Variants in CTNNA2 observed in about 807,000 individuals in gnomAD.
CTNNA2 encodes the protein catenin alpha-2.
In CTNNA2, 42 loss-of-function variants were observed where a neutral mutation model predicts 101.0. That is an observed-to-expected ratio of 0.42 (90% CI 0.32 to 0.54). CTNNA2 has a LOEUF of 0.54. CTNNA2 is among the 20% of genes least tolerant of loss of function. The pLI is 0.14. For synonymous variants in CTNNA2, 450 were observed against 456.4 expected, an observed-to-expected ratio of 0.99 and a Z score of 0.18; for missense variants, 871 against 1,223.1, an observed-to-expected ratio of 0.71 and a Z score of 4.29.
chr2:79,759,086 G>T (rs10189497), intron 3 of CTNNA2, among the ~76,000 whole-genome samples: 9,119 of 152,228 alleles, frequency 0.06, 869 homozygotes, highest in African/African-American at 0.2. Flanking sequence ...TAAACAGAAA[G>T]AAATGCAGAG....
At chr2:80,530,763 T>C (rs111630851) in intron 9 of CTNNA2, among the ~76,000 whole-genome samples, 1,856 of 152,238 alleles carry the variant, frequency 0.012, 38 homozygotes, top group African/African-American at 0.042. Flanking sequence ...AACTCTTTGA[T>C]TTTTTCCCTC....
intron 7 of CTNNA2, among the ~76,000 whole-genome samples, chr2:80,009,087 A>C (rs1693584064): frequency 6.6e-6 from 1 of 152,202 alleles, no homozygotes; most frequent in Non-Finnish European, 1.5e-5. Flanking sequence ...ACTGTCTGAC[A>C]TGGTGTTAGA....
At chr2:80,332,884 G>C (rs1233928301) in intron 7 of CTNNA2, among the ~76,000 whole-genome samples, 1 of 152,156 alleles carries the variant, frequency 6.6e-6, no homozygotes, top group Non-Finnish European at 1.5e-5. Flanking sequence ...TGTTTTTATA[G>C]GGCCTGCAAG....
At chr2:80,631,895 G>C (rs942915217) in intron 18 of CTNNA2, among the ~76,000 whole-genome samples, 1 of 152,048 alleles carries the variant, frequency 6.6e-6, no homozygotes, top group Admixed American at 6.6e-5. Context: ...TGTTGTTGTT[G>C]TTGAGAATTA....
intron 2 of CTNNA2, among the ~76,000 whole-genome samples, chr2:79,671,326 T>C (rs532387037): frequency 7.5e-4 from 115 of 152,364 alleles, no homozygotes; most frequent in Non-Finnish European, 1.3e-3. Context: ...GAGCATAGAA[T>C]GGATGCTTTC....
intron 7 of CTNNA2, among the ~76,000 whole-genome samples, chr2:80,056,456 CTG>C (rs1342613683): frequency 6.6e-6 from 1 of 152,170 alleles, no homozygotes; most frequent in Non-Finnish European, 1.5e-5. Flanking sequence ...TTTGCATGGA[CTG>C]TGTCTTGTGG....
chr2:79,753,432 T>C (rs2105042565), intron 3 of CTNNA2, among the ~76,000 whole-genome samples: 1 of 152,362 alleles, frequency 6.6e-6, no homozygotes, highest in East Asian at 1.9e-4. Flanking sequence ...TTGTATGCCA[T>C]AGGACTTATA....
intron 15 of CTNNA2, among the ~76,000 whole-genome samples, chr2:80,599,436 T>A (rs560482249): frequency 6.6e-6 from 1 of 152,216 alleles, no homozygotes; most frequent in African/African-American, 2.4e-5. Flanking sequence ...TTTAAAGATA[T>A]GGTTATTATT....
chr2:79,674,239 A>T (rs538657996), intron 2 of CTNNA2, among the ~76,000 whole-genome samples: 1 of 152,338 alleles, frequency 6.6e-6, no homozygotes, highest in South Asian at 2.1e-4. Context: ...CCTATTTTAG[A>T]GAAAGCTTCT....
At chr2:79,547,948 G>A (rs1001098817) in intron 1 of CTNNA2, 2 of 152,190 alleles carry the variant, frequency 1.3e-5, no homozygotes, top group Non-Finnish European at 2.9e-5. Context: ...TTAATGTAGT[G>A]AGAACCGCAT....
intron 14 of CTNNA2, among the ~76,000 whole-genome samples, chr2:80,585,825 T>C (rs1017249604): frequency 6.6e-5 from 10 of 152,212 alleles, no homozygotes; most frequent in African/African-American, 2.4e-4. Flanking sequence ...AGGTCAATTA[T>C]GAATTTTTAA....
intron 9 of CTNNA2, among the ~76,000 whole-genome samples, chr2:80,479,880 C>T (rs1340063751): frequency 6.6e-6 from 1 of 152,114 alleles, no homozygotes; most frequent in Non-Finnish European, 1.5e-5. Context: ...AGATGCAAAG[C>T]TTGAATAATT....
At chr2:79,538,561 A>G (rs1457260758) in intron 1 of CTNNA2, among the ~76,000 whole-genome samples, 1 of 152,202 alleles carries the variant, frequency 6.6e-6, no homozygotes, top group African/African-American at 2.4e-5. Flanking sequence ...TGGCCTTGCT[A>G]TCGAGCAGAT....
intron 1 of CTNNA2, among the ~76,000 whole-genome samples, chr2:79,533,156 A>G (rs1672846533): frequency 6.6e-6 from 1 of 151,252 alleles, no homozygotes; most frequent in Non-Finnish European, 1.5e-5. Flanking sequence ...TCTCCTCCTA[A>G]CTGCTATATC....
At chr2:80,252,124 T>C (rs957548768) in intron 7 of CTNNA2, among the ~76,000 whole-genome samples, 2 of 152,184 alleles carry the variant, frequency 1.3e-5, no homozygotes, top group African/African-American at 4.8e-5. Flanking sequence ...TATTAGATAT[T>C]ACGGTAAGTT....
chr2:79,827,720 G>T lies in CTNNA2; in HGVS notation c.299-30293G>T, dbSNP rs556032796. On this transcript the variant is annotated intron_variant, in intron 3 of 18. Coordinates refer to ENST00000402739, the MANE Select transcript of CTNNA2 (RefSeq NM_001282597.3). The stretch of plus-strand genomic sequence containing the variant: ...ATATGCCATTGGGCACAAATATATG[G>T]TTTTTTTTAAAAGTCTTATGTGTCA... Among the ~76,000 whole-genome samples, 12 of 152,120 alleles carry T rather than the reference G, an allele frequency of 7.9e-5. No homozygotes were observed. The East Asian group carries it at 1.4e-3, about 17-fold the overall frequency.
Position 79,998,655 on chromosome 2 carries a change from A to T in CTNNA2, c.1056+88858A>T, listed in dbSNP as rs1052200990. Among the ~76,000 whole-genome samples the T allele has an allele frequency of 5.3e-5, 8 of 152,330 alleles. No homozygotes were observed. The East Asian group carries it at 1.3e-3, about 26-fold the overall frequency. On this transcript the variant is annotated intron_variant, in intron 7 of 18. Coordinates refer to ENST00000402739, the MANE Select transcript of CTNNA2 (RefSeq NM_001282597.3). ...ATGCAGTGTTTTCAAAAAGATAGCC[A>T]TTGCACTTTTGTGGGAATTTTAATT...
chr2:80,529,488 T>G (rs1690336515), intron 9 of CTNNA2, among the ~76,000 whole-genome samples: 1 of 152,232 alleles, frequency 6.6e-6, no homozygotes, highest in Admixed American at 6.5e-5. Context: ...TATTGCTTAT[T>G]TAACTAAGCA....
intron 7 of CTNNA2, among the ~76,000 whole-genome samples, chr2:80,040,760 A>C (rs547226455): frequency 6.6e-6 from 1 of 152,324 alleles, no homozygotes; most frequent in South Asian, 2.1e-4. Flanking sequence ...TTACTGTCTC[A>C]ATGATTTTGT....
Sources: gnomAD v4.1 joint callset for allele counts (sites outside exome capture counted in the v4.1 genomes callset) on GRCh38, gnomAD v4.1.1 for gene constraint, MANE v1.5 for transcripts, NCBI Gene and HGNC (gene_info 2026-07-23, HGNC 2026-07-21) for gene names.